ZNF185: variants seen among roughly 807,000 people sequenced by gnomAD.
ZNF185 encodes zinc finger protein 185.
Under a neutral mutation model 58.6 loss-of-function variants are expected in ZNF185, and 56 were observed. The ratio of observed to expected loss-of-function variants is 0.95; its 90% CI spans 0.77 to 1.19. ZNF185 has a LOEUF of 1.19. Ranked by LOEUF, ZNF185 falls within the 50% of genes most tolerant of loss-of-function variation. ZNF185 has a pLI of 0.00. For synonymous variants in ZNF185, 230 were observed against 215.9 expected, an observed-to-expected ratio of 1.07 and a Z score of -0.57; for missense variants, 627 against 573.5, an observed-to-expected ratio of 1.09 and a Z score of -0.95.
In ZNF185 at chrX:152,928,557, C is replaced by G. The variant is rs199771508; in HGVS notation, c.831-18C>G. The stretch of plus-strand genomic sequence containing the variant: ...TTTTCTCACCTGCAACCCACTGGGT[C>G]TCTCCTTTGGCCCGCAGCTCAAGAG... On this transcript the variant is annotated intron_variant, in intron 11 of 22. Transcript: ENST00000449285. 2.9e-5 allele frequency: 35 copies of G among 1,209,495 alleles called. No homozygotes were observed. In the African/African-American group the frequency reaches 5.0e-4, roughly 17 times the overall value.
chrX:152,905,921 G>T, the ZNF185 span, among the ~76,000 whole-genome samples: 1 of 112,220 alleles, frequency 8.9e-6, no homozygotes, highest in Non-Finnish European at 1.9e-5. Context: ...GGCTGGCTGG[G>T]CTCTGGGGCT....
intron 15 of ZNF185, chrX:152,941,940 G>C (rs190347601): frequency 2.7e-5 from 27 of 1,006,951 alleles, no homozygotes; most frequent in Non-Finnish European, 3.5e-5. Flanking sequence ...CCTGCGGCTT[G>C]AGCTTGTTTC....
chrX:152,956,851 TTAAA>T (rs1356756165), intron 16 of ZNF185, among the ~76,000 whole-genome samples: 1 of 112,590 alleles, frequency 8.9e-6, no homozygotes, highest in Non-Finnish European at 1.9e-5. Flanking sequence ...AACCCAATTC[TTAAA>T]TAAAACCTTA....
chrX:152,954,150 GC>G (rs1331544484), intron 16 of ZNF185, among the ~76,000 whole-genome samples: 1 of 69,514 alleles, frequency 1.4e-5, no homozygotes, highest in African/African-American at 4.3e-5. Context: ...AAAAAAAAAA[GC>G]CTTTTTTTTT....
At chrX:152,938,155 C>G in exon 15 of ZNF185, 1 of 1,182,027 alleles carries the variant, frequency 8.5e-7, no homozygotes, top group Admixed American at 2.4e-5. Flanking sequence ...CAAAGGCAGA[C>G]CCAAAGGGGT....
intron 6 of ZNF185, among the ~76,000 whole-genome samples, chrX:152,918,611 C>T (rs374357356): frequency 8.9e-6 from 1 of 112,562 alleles, no homozygotes; most frequent in African/African-American, 3.2e-5. Context: ...TAGAAACCTT[C>T]GGGTTTTCCC....
intron 14 of ZNF185, among the ~76,000 whole-genome samples, chrX:152,937,265 C>T (rs1008020133): frequency 9.8e-5 from 11 of 111,919 alleles, no homozygotes; most frequent in Middle Eastern, 9.2e-3. Context: ...TGAGACATGG[C>T]TTTACTCAGC....
rs2050428810 is a variant in ZNF185 at position 152,969,234 on chromosome X, T to C, written c.1872-148T>C. 6 of 464,679 alleles carry C rather than the reference T, an allele frequency of 1.3e-5. No homozygotes were observed. In the South Asian group the frequency reaches 2.0e-4, roughly 15 times the overall value. The allele number at this position is 464,679 out of a possible 1,213,427, so 38.3% of individuals were successfully genotyped here. On this transcript the variant is annotated intron_variant, in intron 20 of 22. Coordinates refer to ENST00000449285, the Ensembl canonical transcript of ZNF185. ...GCTGAGAACTGATCTGGCCCAGGGC[T>C]GTGCTGCACACCACAGAAAACAGTG...
At position 152,960,807 on chromosome X, in the gene ZNF185, T is replaced by C. The variant is rs906208674; in HGVS notation, c.1607+911T>C. ...GAAACAGTGTGGTCTCAGGAAGTGC[T>C]TCACAGCCATTGCAACATGGGCAGG... On this transcript the variant is annotated intron_variant, in intron 17 of 22. Coordinates refer to ENST00000449285, the Ensembl canonical transcript of ZNF185. Among the ~76,000 whole-genome samples, 4 of 112,413 alleles carry C rather than the reference T, an allele frequency of 3.6e-5. No individual in the cohort carries two copies. In the Admixed American group the frequency reaches 3.7e-4, roughly 11 times the overall value.
chrX:152,935,680 C>A (rs927484852), intron 14 of ZNF185, among the ~76,000 whole-genome samples: 15 of 112,505 alleles, frequency 1.3e-4, no homozygotes, highest in African/African-American at 3.2e-5. Flanking sequence ...CCCCAGGGGC[C>A]TTTCCTTGGA....
At chrX:152,924,886 A>G (rs1365023906) in intron 11 of ZNF185, among the ~76,000 whole-genome samples, 2 of 111,507 alleles carry the variant, frequency 1.8e-5, no homozygotes, top group African/African-American at 6.5e-5. Flanking sequence ...GTTTCACCAT[A>G]TTGGCCAGGC....
intron 18 of ZNF185, among the ~76,000 whole-genome samples, chrX:152,964,740 A>T (rs1176107074): frequency 9.0e-6 from 1 of 110,574 alleles, no homozygotes; most frequent in African/African-American, 3.3e-5. Flanking sequence ...TCACTGCAGG[A>T]AGGCTGCTCA....
intron 16 of ZNF185, among the ~76,000 whole-genome samples, chrX:152,950,417 C>T (rs2048184369): frequency 9.0e-6 from 1 of 111,498 alleles, no homozygotes; most frequent in South Asian, 3.7e-4. Flanking sequence ...TTGTTCTTAT[C>T]TAATATAAGG....
chrX:152,904,579 C>T, the ZNF185 span, among the ~76,000 whole-genome samples: 3 of 112,642 alleles, frequency 2.7e-5, no homozygotes, highest in Non-Finnish European at 5.6e-5. Context: ...TCAGCACCCG[C>T]ACCGGCTTAA....
intron 11 of ZNF185, among the ~76,000 whole-genome samples, chrX:152,925,807 G>C (rs782487108): frequency 8.9e-6 from 1 of 112,239 alleles, no homozygotes; most frequent in East Asian, 2.8e-4. Flanking sequence ...GTTTGTGGCA[G>C]AGTGGAAGAG....
chrX:152,911,479 G>T (rs781853703), upstream of ZNF185, among the ~76,000 whole-genome samples: 6 of 111,420 alleles, frequency 5.4e-5, no homozygotes, highest in Admixed American at 2.8e-4. Context: ...CCTGGAGGAG[G>T]TGCAGATAAA....
At chrX:152,948,937 A>G (rs931755350) in intron 16 of ZNF185, among the ~76,000 whole-genome samples, 1 of 111,945 alleles carries the variant, frequency 8.9e-6, no homozygotes, top group African/African-American at 3.2e-5. Flanking sequence ...AGCAGGGAGA[A>G]GAGGAAGTGC....
chrX:152,936,633 A>C lies in ZNF185; in HGVS notation c.1122-1441A>C. 5.1e-6 allele frequency: 3 copies of C among 584,202 alleles called. No homozygotes were observed. The South Asian group carries it at 8.7e-5, about 17-fold the overall frequency. 48.1% of individuals were successfully genotyped at this position (584,202 alleles called of 1,213,427 possible). On this transcript the variant is annotated intron_variant, in intron 14 of 22. Transcript: ENST00000449285. ...AACTTCTCAGCTCCATGCCACTTTC[A>C]CATCAGGTGATCACAGCAAGACAGG...
intron 16 of ZNF185, among the ~76,000 whole-genome samples, chrX:152,953,072 T>C (rs2048454923): frequency 9.0e-6 from 1 of 110,919 alleles, no homozygotes; most frequent in South Asian, 3.8e-4. Context: ...TCAGTCCTCA[T>C]TGAGGAGCTG....
Sources: gnomAD v4.1 joint callset for allele counts (sites outside exome capture counted in the v4.1 genomes callset) on GRCh38, gnomAD v4.1.1 for gene constraint, MANE v1.5 for transcripts, NCBI Gene and HGNC (gene_info 2026-07-23, HGNC 2026-07-21) for gene names.